NAV2: variants seen among roughly 807,000 people sequenced by gnomAD.
NAV2 encodes neuron navigator 2.
In NAV2, 54 loss-of-function variants were observed where a neutral mutation model predicts 223.2. That is an observed-to-expected ratio of 0.24 (90% confidence interval 0.19 to 0.30). The LOEUF (loss-of-function observed/expected upper bound fraction) is 0.30. NAV2 is among the 10% of genes least tolerant of loss of function. NAV2 has a pLI of 1.00. For synonymous variants in NAV2, 1,279 were observed against 1,239.3 expected, an observed-to-expected ratio of 1.03 and a Z score of -0.67; for missense variants, 2,806 against 3,147.5, an observed-to-expected ratio of 0.89 and a Z score of 2.60.
At chr11:19,789,358 C>T in intron 1 of NAV2, among the ~76,000 whole-genome samples, 1 of 152,084 alleles carries the variant, frequency 6.6e-6, no homozygotes, top group Non-Finnish European at 1.5e-5. Flanking sequence ...AGTCGAAATC[C>T]CAAAATCCAT....
intron 1 of NAV2, among the ~76,000 whole-genome samples, chr11:19,396,830 C>T (rs1416016476): frequency 1.3e-5 from 2 of 152,208 alleles, no homozygotes; most frequent in African/African-American, 4.8e-5. Context: ...GTAGAATTTT[C>T]ACTTTCCAAA....
intron 1 of NAV2, among the ~76,000 whole-genome samples, chr11:19,469,597 G>A (rs961249198): frequency 6.6e-6 from 1 of 152,080 alleles, no homozygotes; most frequent in Non-Finnish European, 1.5e-5. Flanking sequence ...CTCTCACCTC[G>A]CTTTCCCAGG....
chr11:19,699,049 C>A (rs1459178129), intron 1 of NAV2, among the ~76,000 whole-genome samples: 1 of 152,198 alleles, frequency 6.6e-6, no homozygotes, highest in Non-Finnish European at 1.5e-5. Context: ...TGAAGAAGGG[C>A]AACTGGCCTA....
At chr11:19,606,203 C>G (rs777913916) in intron 1 of NAV2, among the ~76,000 whole-genome samples, 2 of 152,204 alleles carry the variant, frequency 1.3e-5, no homozygotes, top group African/African-American at 4.8e-5. Flanking sequence ...GCTGTGAAGA[C>G]TCTGCAAAGC....
At chr11:19,363,567 A>G (rs1022146429) in intron 1 of NAV2, among the ~76,000 whole-genome samples, 2 of 152,200 alleles carry the variant, frequency 1.3e-5, no homozygotes, top group Non-Finnish European at 2.9e-5. Context: ...AATACTTCTG[A>G]TACCAAATGT....
At chr11:19,716,786 C>T (rs979649873) in intron 1 of NAV2, among the ~76,000 whole-genome samples, 1 of 152,148 alleles carries the variant, frequency 6.6e-6, no homozygotes, top group Non-Finnish European at 1.5e-5. Flanking sequence ...ACAATAATAA[C>T]AATGGTAATA....
chr11:19,785,015 A>G (rs1410176654), intron 1 of NAV2, among the ~76,000 whole-genome samples: 1 of 152,206 alleles, frequency 6.6e-6, no homozygotes, highest in Non-Finnish European at 1.5e-5. Flanking sequence ...TGGACTTGGG[A>G]GATGAGCTGA....
Position 19,832,528 on chromosome 11 carries a change from C to T in NAV2, c.312C>T (p.His104=), listed in dbSNP as rs1396945703. ...ATCATTACCTAGCCAAATCCGGCCA[C>T]AAGCGTCTCATCAGGGATCTCCAGC... ...WANHYLAKSG[H]KRLIRDLQQD... Residue 104 remains histidine, a synonymous_variant, in exon 2 of 38, where the codon CAC becomes CAT. Coordinates refer to ENST00000349880, the MANE Select transcript of NAV2 (RefSeq NM_145117.5). The T allele has an allele frequency of 6.2e-7, 1 of 1,614,080 alleles. No individual in the cohort carries two copies. Among genetic ancestry groups the T allele is most frequent in the Non-Finnish European group, 8.5e-7 (1 of 1,180,044 alleles).
At chr11:19,473,911 GT>G (rs1177356324) in intron 1 of NAV2, among the ~76,000 whole-genome samples, 1 of 152,202 alleles carries the variant, frequency 6.6e-6, no homozygotes, top group African/African-American at 2.4e-5. Context: ...GACATAAAAG[GT>G]TATGACCTCC....
intron 2 of NAV2, among the ~76,000 whole-genome samples, chr11:19,834,136 G>A (rs901013547): frequency 3.3e-5 from 5 of 152,284 alleles, no homozygotes; most frequent in Admixed American, 6.5e-5. Flanking sequence ...ATTAGGGGTC[G>A]CTGTAAAGTC....
At chr11:19,532,402 A>T (rs889891489) in intron 1 of NAV2, among the ~76,000 whole-genome samples, 1 of 152,220 alleles carries the variant, frequency 6.6e-6, no homozygotes, top group Non-Finnish European at 1.5e-5. Flanking sequence ...CCAGAAAAAA[A>T]GTCCATCTGT....
At chr11:19,740,085 T>C (rs2052664725) in intron 1 of NAV2, among the ~76,000 whole-genome samples, 1 of 152,174 alleles carries the variant, frequency 6.6e-6, no homozygotes, top group African/African-American at 2.4e-5. Context: ...CTGCGCACTT[T>C]GGAGGCATCT....
At chr11:19,409,290 T>TATG (rs1378388273) in intron 1 of NAV2, among the ~76,000 whole-genome samples, 2 of 152,238 alleles carry the variant, frequency 1.3e-5, no homozygotes, top group African/African-American at 4.8e-5. Flanking sequence ...ACTGGTGTTT[T>TATG]ATGTGATTTT....
chr11:19,894,999 G>C (rs2041835154), intron 6 of NAV2, among the ~76,000 whole-genome samples: 2 of 151,884 alleles, frequency 1.3e-5, no homozygotes, highest in Non-Finnish European at 2.9e-5. Context: ...CAATGTGCTG[G>C]GATTACAGGC....
intron 20 of NAV2, among the ~76,000 whole-genome samples, chr11:20,065,838 A>G (rs1258990356): frequency 6.6e-6 from 1 of 152,232 alleles, no homozygotes; most frequent in Non-Finnish European, 1.5e-5. Flanking sequence ...TAGTGGTTAC[A>G]TTCTCACCAT....
intron 1 of NAV2, among the ~76,000 whole-genome samples, chr11:19,470,448 C>G (rs2041927655): frequency 6.6e-6 from 1 of 152,152 alleles, no homozygotes; most frequent in Non-Finnish European, 1.5e-5. Flanking sequence ...GCTCAGAAGT[C>G]TGATATCAAG....
At chr11:19,693,177 CTG>C (rs1188803431) in intron 1 of NAV2, among the ~76,000 whole-genome samples, 1 of 152,242 alleles carries the variant, frequency 6.6e-6, no homozygotes, top group Non-Finnish European at 1.5e-5. Flanking sequence ...TTGGTTTCCT[CTG>C]TGTTTGAGGT....
rs75930245 is a variant in NAV2 at position 19,465,809 on chromosome 11, G to A, written c.75+114782G>A. ...AACTGAGGTTTAGCTAACCAGTAGC[G>A]GAGGCACAGTTCAAATTCAGCTGTC... On this transcript the variant is annotated intron_variant, in intron 1 of 37. Transcript: ENST00000360655. 3.9e-3 allele frequency among the ~76,000 whole-genome samples: 588 copies of A among 152,270 alleles called. 8 individuals carry two copies. The highest frequency in any genetic ancestry group is 0.013 in the African/African-American group (549 of 41,540).
At chr11:19,472,612 A>G (rs1176977330) in intron 1 of NAV2, among the ~76,000 whole-genome samples, 1 of 152,006 alleles carries the variant, frequency 6.6e-6, no homozygotes, top group Non-Finnish European at 1.5e-5. Context: ...TCAGAGTTAG[A>G]TCTCACTGAT....
Sources: gnomAD v4.1 joint callset for allele counts (sites outside exome capture counted in the v4.1 genomes callset) on GRCh38, gnomAD v4.1.1 for gene constraint, MANE v1.5 for transcripts, NCBI Gene and HGNC (gene_info 2026-07-23, HGNC 2026-07-21) for gene names.